The following TMEM164 variants were observed in gnomAD, a reference collection of about 807,000 sequenced individuals.
TMEM164 encodes the protein RP13-360B22.2.
TMEM164 carries 4 observed loss-of-function variants against 18.8 expected under a neutral mutation model. That is an observed-to-expected ratio of 0.21 (90% CI 0.10 to 0.49). TMEM164 has a LOEUF of 0.49. Among genes scored for constraint, TMEM164 ranks in the 20% least tolerant of loss-of-function variants. TMEM164 has a pLI of 0.98. For synonymous variants in TMEM164, 86 were observed against 101.7 expected (o/e 0.85, Z 0.93); for missense variants, 108 against 239.9 (o/e 0.45, Z 3.63).
chrX:110,144,772 C>T (rs940503124), intron 4 of TMEM164, 26 bp from the exon 5 acceptor site: 1 of 1,173,723 alleles, frequency 8.5e-7, no homozygotes, highest in Non-Finnish European at 1.2e-6. Flanking sequence ...TGCTCTAAAA[C>T]ACTTCTCTCC....
At position 110,067,389 on chromosome X, in the gene TMEM164, G is replaced by A. The variant is rs537045230; in HGVS notation, c.433G>A (p.Val145Ile). The change falls in exon 3 of 7, where the codon GTC becomes ATC. Residue 145 changes from valine to isoleucine, a missense_variant. Physicochemically the swap from Val to Ile is conservative, Grantham distance 29. Transcript: ENST00000372068. ...CCCTCCATGTCGGGGAGCTATCGTC[G>A]TCTTCAAGTAAGAGAAAATTGGCTT... is the stretch of plus-strand genomic sequence containing the variant. ...ACPPCRGAIV[V>I]FKLQMHMLNG... 1.2e-4 allele frequency: 146 copies of A among 1,209,140 alleles called. 1 individual carries two copies. In the South Asian group the frequency reaches 2.2e-3, roughly 18 times the overall value.
chrX:110,079,169 G>A (rs192388441), intron 3 of TMEM164, among the ~76,000 whole-genome samples: 5 of 111,608 alleles, frequency 4.5e-5, no homozygotes, highest in East Asian at 2.8e-4. Flanking sequence ...ATGATTTCCC[G>A]TCGAAACTCT....
At chrX:110,028,756 T>C (rs1024349769) in intron 2 of TMEM164, among the ~76,000 whole-genome samples, 1 of 111,997 alleles carries the variant, frequency 8.9e-6, no homozygotes, top group African/African-American at 3.2e-5. Context: ...TGGCCCAGTA[T>C]GATACAGTGT....
At chrX:110,104,471 C>A (rs1269834666) in intron 3 of TMEM164, among the ~76,000 whole-genome samples, 1 of 111,885 alleles carries the variant, frequency 8.9e-6, no homozygotes, top group Non-Finnish European at 1.9e-5. Context: ...AGGACCCATA[C>A]AAAGTGCACT....
chrX:110,011,485 G>A (rs934809868), intron 2 of TMEM164, among the ~76,000 whole-genome samples: 7 of 111,786 alleles, frequency 6.3e-5, no homozygotes, highest in African/African-American at 1.6e-4. Context: ...ATTTGAATGC[G>A]TAGGAATTCA....
In TMEM164 at chrX:110,003,511, GGCT is replaced by G; in HGVS notation, c.-263_-261del. 7.0e-6 allele frequency: 2 copies of G among 285,786 alleles called. No individual in the cohort carries two copies. The highest frequency in any genetic ancestry group is 1.0e-4 in the East Asian group (2 of 19,488). The allele number at this position is 285,786 out of a possible 1,213,427, so 23.6% of individuals were successfully genotyped here. A position where few individuals can be genotyped will look rare whatever the true frequency, so the allele number is the denominator to read the frequency against. On this transcript the variant is annotated 5_prime_UTR_variant, in exon 2 of 7. Transcript: ENST00000372068. ...TCTCCTTCCTTTTAGATTGGCCAAC[GGCT>G]CCTTTCAACCCTGCCTCGTTGGTGG...
At chrX:110,131,695 C>G (rs2066614253) in intron 4 of TMEM164, among the ~76,000 whole-genome samples, 1 of 111,792 alleles carries the variant, frequency 8.9e-6, no homozygotes, top group African/African-American at 3.3e-5. Flanking sequence ...TGAACCATCT[C>G]TTTGATTAAT....
chrX:110,052,610 A>T lies in TMEM164; in HGVS notation c.391-14737A>T, dbSNP rs60588650. On this transcript the variant is annotated intron_variant, in intron 2 of 6. Coordinates refer to ENST00000372068, the MANE Select transcript of TMEM164 (RefSeq NM_032227.4). ...GTTAAGTTCTGGACCTACAGTGAGG[A>T]CCATCACACAGCTCCTGCTCTCCAG... Among the ~76,000 whole-genome samples, 934 of 112,019 alleles carry T rather than the reference A, an allele frequency of 8.3e-3. 18 individuals carry two copies. Among genetic ancestry groups the T allele is most frequent in the African/African-American group, 0.029 (883 of 30,827 alleles).
chrX:110,035,553 GAGTGC>G (rs1934754257), intron 2 of TMEM164, among the ~76,000 whole-genome samples: 2 of 108,634 alleles, frequency 1.8e-5, no homozygotes, highest in Admixed American at 9.9e-5. Context: ...ACCCAGGCTG[GAGTGC>G]AGTGGCACGA....
rs1224514561 is a variant in TMEM164, at chrX:110,152,711, AG to A, written c.586+7836del. Among the ~76,000 whole-genome samples, 8 of 110,792 alleles carry A rather than the reference AG, an allele frequency of 7.2e-5. No homozygotes were observed. In the Admixed American group the frequency reaches 7.7e-4, roughly 11 times the overall value. On this transcript the variant is annotated intron_variant, in intron 5 of 6. Transcript: ENST00000372068. ...TGCTCTTACCTCCTAAATATCTCTC[AG>A]ACTCATCCTCTCCTTACCATCTCTA...
intron 5 of TMEM164, among the ~76,000 whole-genome samples, chrX:110,168,837 G>T (rs2067192765): frequency 8.9e-6 from 1 of 112,426 alleles, no homozygotes; most frequent in African/African-American, 3.2e-5. Flanking sequence ...ACATCTCCAT[G>T]CTCGCCCCCA....
chrX:110,028,703 T>C (rs1440400565), intron 2 of TMEM164, among the ~76,000 whole-genome samples: 1 of 111,982 alleles, frequency 8.9e-6, no homozygotes, highest in Non-Finnish European at 1.9e-5. Flanking sequence ...GAGAATGTGA[T>C]CTGTATGTTC....
chrX:110,077,818 A>G (rs1241498561), intron 3 of TMEM164, among the ~76,000 whole-genome samples: 1 of 112,142 alleles, frequency 8.9e-6, no homozygotes, highest in Non-Finnish European at 1.9e-5. Flanking sequence ...TTCTGCTGAG[A>G]AGTCTGCTGT....
chrX:110,147,781 T>C (rs1312508911), intron 5 of TMEM164, among the ~76,000 whole-genome samples: 1 of 110,875 alleles, frequency 9.0e-6, no homozygotes, highest in Non-Finnish European at 1.9e-5. Flanking sequence ...GGCTTCTTAA[T>C]TGCAGTGACC....
chrX:110,102,538 G>A (rs908198730), intron 3 of TMEM164, among the ~76,000 whole-genome samples: 1 of 111,468 alleles, frequency 9.0e-6, no homozygotes, highest in Admixed American at 9.5e-5. Flanking sequence ...AATTCATCTC[G>A]TGAAGGATCA....
intron 5 of TMEM164, among the ~76,000 whole-genome samples, chrX:110,169,329 C>T (rs1044681927): frequency 1.8e-5 from 2 of 111,580 alleles, no homozygotes; most frequent in Non-Finnish European, 3.8e-5. Flanking sequence ...CCTTCCTCTC[C>T]CTTACCAACC....
chrX:110,016,724 A>C (rs1331287188), intron 2 of TMEM164, among the ~76,000 whole-genome samples: 1 of 109,642 alleles, frequency 9.1e-6, no homozygotes, highest in Non-Finnish European at 1.9e-5. Context: ...TGGTATGAAT[A>C]TGGCTCACTG....
chrX:110,074,690 C>G (rs922578867), intron 3 of TMEM164, among the ~76,000 whole-genome samples: 1 of 112,027 alleles, frequency 8.9e-6, no homozygotes, highest in African/African-American at 3.2e-5. Context: ...AGCCAGTTTT[C>G]TCAGCACCAT....
rs771438095 is a variant in TMEM164, at chrX:110,167,038, G to A, written c.587-4382G>A. Among the ~76,000 whole-genome samples, 5 of 112,076 alleles carry A rather than the reference G, an allele frequency of 4.5e-5. No homozygotes were observed. The East Asian group carries it at 1.4e-3, about 31-fold the overall frequency. On this transcript the variant is annotated intron_variant, in intron 5 of 6. Transcript: ENST00000372068. ...TGAAAAGAATCAGTAACAGTGAAAG[G>A]CAATGGAAGCCATAGTGGAAGTCCT...
Sources: gnomAD v4.1 joint callset for allele counts (sites outside exome capture counted in the v4.1 genomes callset) on GRCh38, gnomAD v4.1.1 for gene constraint, MANE v1.5 for transcripts, NCBI Gene and HGNC (gene_info 2026-07-23, HGNC 2026-07-21) for gene names.